The following MEF2A variants were observed in gnomAD, a reference collection of about 807,000 sequenced individuals.
MEF2A encodes the protein myocyte enhancer factor 2A.
A neutral mutation model predicts 55.8 loss-of-function variants in MEF2A; 28 were observed. The observed-to-expected ratio is 0.50, with a 90% CI of 0.37 to 0.69. The LOEUF is 0.69. Ranked by LOEUF, MEF2A falls within the 30% of genes least tolerant of loss-of-function variation. MEF2A has a pLI of 0.00. For missense variants in MEF2A, 528 were observed against 626.2 expected (o/e 0.84, Z 1.67); for synonymous variants, 239 against 227.1 (o/e 1.05, Z -0.47).
At chr15:99,577,021 A>G (rs1231103377) in intron 1 of MEF2A, among the ~76,000 whole-genome samples, 2 of 152,246 alleles carry the variant, frequency 1.3e-5, no homozygotes, top group African/African-American at 4.8e-5. Context: ...AATGAACATC[A>G]AAATGCCTAA....
At chr15:99,599,730 A>G (rs1465302442) in intron 2 of MEF2A, among the ~76,000 whole-genome samples, 1 of 152,128 alleles carries the variant, frequency 6.6e-6, no homozygotes, top group Non-Finnish European at 1.5e-5. Flanking sequence ...TCATTTTAAA[A>G]TATAAACCTT....
chr15:99,692,713 A>C (rs1475590924), intron 8 of MEF2A, among the ~76,000 whole-genome samples: 1 of 152,204 alleles, frequency 6.6e-6, no homozygotes, highest in Non-Finnish European at 1.5e-5. Context: ...GCTGTGGTAC[A>C]CAACTGGGAG....
chr15:99,635,978 G>A (rs1190958618), intron 3 of MEF2A, among the ~76,000 whole-genome samples: 2 of 152,084 alleles, frequency 1.3e-5, no homozygotes, highest in Admixed American at 6.5e-5. Context: ...AGTAGTTGAC[G>A]GAAGTTTTCT....
At chr15:99,672,972 C>T (rs2051169879) in intron 5 of MEF2A, among the ~76,000 whole-genome samples, 1 of 152,106 alleles carries the variant, frequency 6.6e-6, no homozygotes, top group African/African-American at 2.4e-5. Context: ...AGCCTACACA[C>T]GTGCCATTTT....
chr15:99,666,792 G>T (rs1567375382), intron 4 of MEF2A, among the ~76,000 whole-genome samples: 1 of 152,032 alleles, frequency 6.6e-6, no homozygotes, highest in Non-Finnish European at 1.5e-5. Flanking sequence ...TTTTTAGGCA[G>T]TATGCCCTCC....
At chr15:99,608,956 G>C (rs1277348997) in intron 2 of MEF2A, among the ~76,000 whole-genome samples, 1 of 152,030 alleles carries the variant, frequency 6.6e-6, no homozygotes, top group African/African-American at 2.4e-5. Context: ...AAAGGTACCA[G>C]TATTCAGTAT....
intron 4 of MEF2A, among the ~76,000 whole-genome samples, chr15:99,670,802 TTA>T (rs1312506072): frequency 6.6e-6 from 1 of 152,198 alleles, no homozygotes; most frequent in African/African-American, 2.4e-5. Context: ...TATTTCAAAG[TTA>T]TACAGGAAAG....
intron 2 of MEF2A, among the ~76,000 whole-genome samples, chr15:99,610,676 TA>T (rs1211776725): frequency 2.0e-5 from 3 of 152,122 alleles, no homozygotes; most frequent in Admixed American, 6.5e-5. Context: ...TTTTAATTAT[TA>T]TTTTTTTTCA....
chr15:99,676,736 A>AT (rs940081853), intron 7 of MEF2A, among the ~76,000 whole-genome samples: 2 of 151,934 alleles, frequency 1.3e-5, no homozygotes, highest in Non-Finnish European at 2.9e-5. Context: ...CGCCGGGCTA[A>AT]TTTTTTTGTA....
At chr15:99,635,180 G>C (rs1426135757) in intron 3 of MEF2A, among the ~76,000 whole-genome samples, 1 of 152,196 alleles carries the variant, frequency 6.6e-6, no homozygotes, top group Non-Finnish European at 1.5e-5. Context: ...ATCAGATACT[G>C]GGAGAGTTTA....
intron 4 of MEF2A, among the ~76,000 whole-genome samples, chr15:99,654,686 T>G (rs997083029): frequency 1.3e-5 from 2 of 152,168 alleles, no homozygotes; most frequent in African/African-American, 4.8e-5. Flanking sequence ...CATGCATCAT[T>G]GTCTTCACAC....
In MEF2A at chr15:99,710,664, C is replaced by T. The variant is rs1425183121; in HGVS notation, c.1040C>T (p.Ala347Val). Reference protein sequence around the residue: ...DYSLTSADLSALQGFNSPGML... With the variant: ...DYSLTSADLSVLQGFNSPGML... ...TCACTGACCAGCGCTGACCTGTCAG[C>T]CCTTCAAGGCTTCAACTCGCCAGGA... Residue 347 changes from alanine to valine, a missense_variant, in exon 11 of 12, where the codon GCC (alanine) becomes GTC (valine). Physicochemically the swap from Ala to Val is moderately conservative, Grantham distance 64 (BLOSUM62 0). Coordinates refer to ENST00000557942, the MANE Select transcript of MEF2A (RefSeq NM_001319206.4). 31 of 1,613,502 alleles carry T rather than the reference C, an allele frequency of 1.9e-5. No individual in the cohort carries two copies. Among genetic ancestry groups the T allele is most frequent in the Admixed American group, 5.0e-5 (3 of 60,006 alleles).
At chr15:99,584,193 G>A (rs1042787801) in intron 1 of MEF2A, among the ~76,000 whole-genome samples, 1 of 152,106 alleles carries the variant, frequency 6.6e-6, no homozygotes, top group African/African-American at 2.4e-5. Flanking sequence ...CATTTATGTG[G>A]TTCATTACTG....
At chr15:99,659,040 A>C (rs2153559580) in intron 4 of MEF2A, among the ~76,000 whole-genome samples, 1 of 152,226 alleles carries the variant, frequency 6.6e-6, no homozygotes, top group African/African-American at 2.4e-5. Context: ...AAAAAGGCAA[A>C]TTAAGGTATT....
chr15:99,621,060 G>T (rs1427992551), intron 2 of MEF2A: 4 of 152,050 alleles, frequency 2.6e-5, no homozygotes, highest in African/African-American at 7.3e-5. Context: ...GGCCAGGCTG[G>T]TCTCGAACTC....
intron 10 of MEF2A, among the ~76,000 whole-genome samples, chr15:99,709,919 CT>C (rs1472248425): frequency 3.9e-5 from 6 of 152,202 alleles, no homozygotes; most frequent in African/African-American, 1.2e-4. Context: ...AATGATGTCA[CT>C]GAGCTTGGCA....
chr15:99,591,475 A>G (rs1969267825), intron 1 of MEF2A, among the ~76,000 whole-genome samples: 1 of 152,034 alleles, frequency 6.6e-6, no homozygotes, highest in African/African-American at 2.4e-5. Flanking sequence ...TCTCTATATG[A>G]CTGGATTTCT....
In MEF2A at chr15:99,645,109, A is replaced by G. The variant is rs577975474; in HGVS notation, c.55-452A>G. On this transcript the variant is annotated intron_variant, in intron 3 of 11. Transcript: ENST00000557942. Reference sequence around the variant, plus strand: ...GGAATTTGCTGATCCCAGACTGTGAATTTCAGTGGGTACAATAGAGAAGGG... The same window carrying G: ...GGAATTTGCTGATCCCAGACTGTGAGTTTCAGTGGGTACAATAGAGAAGGG... Among the ~76,000 whole-genome samples, 3 of 152,278 alleles carry G rather than the reference A, an allele frequency of 2.0e-5. No individual in the cohort carries two copies. The East Asian group carries it at 5.8e-4, about 29-fold the overall frequency.
rs138762390 is a variant in MEF2A at position 99,669,986 on chromosome 15, A to G, written c.259-1337A>G. 2.6e-3 allele frequency among the ~76,000 whole-genome samples: 397 copies of G among 152,302 alleles called. 4 individuals are homozygous for G. The highest frequency in any genetic ancestry group is 9.1e-3 in the African/African-American group (379 of 41,558). On this transcript the variant is annotated intron_variant, in intron 4 of 11. Coordinates refer to ENST00000557942, the MANE Select transcript of MEF2A (RefSeq NM_001319206.4). ...TTAGTTAGGCTTACTTAGAAATTTT[A>G]ACTTCCTAATCCTTCTCTGCAGTTG...
Sources: gnomAD v4.1 joint callset for allele counts (sites outside exome capture counted in the v4.1 genomes callset) on GRCh38, gnomAD v4.1.1 for gene constraint, MANE v1.5 for transcripts, NCBI Gene and HGNC (gene_info 2026-07-23, HGNC 2026-07-21) for gene names.